KIF13A: variants seen among roughly 807,000 people sequenced by gnomAD.
The protein encoded by KIF13A is kinesin family member 13A.
A neutral mutation model predicts 212.2 loss-of-function variants in KIF13A; 79 were observed. The observed-to-expected ratio is 0.37, with a 90% confidence interval of 0.31 to 0.45. The LOEUF is 0.45. KIF13A is among the 20% of genes least tolerant of loss of function. KIF13A has a pLI of 1.00. For missense variants in KIF13A, 1,901 were observed against 2,209.0 expected, an observed-to-expected ratio of 0.86 and a Z score of 2.79; for synonymous variants, 789 against 808.6, an observed-to-expected ratio of 0.98 and a Z score of 0.41.
chr6:17,766,316 C>T (rs1047956834), intron 38 of KIF13A, among the ~76,000 whole-genome samples: 23 of 150,854 alleles, frequency 1.5e-4, no homozygotes, highest in African/African-American at 4.4e-4. Context: ...CTCGGCTCAC[C>T]GCAACCTCCA....
At chr6:17,760,749 G>A (rs1352021328), downstream of KIF13A, 8 of 1,156,600 alleles carry the variant, frequency 6.9e-6, no homozygotes, top group East Asian at 1.2e-4. Flanking sequence ...TCTGGTCTGA[G>A]GTCCAGCCAG....
chr6:17,783,727 A>AGC lies in KIF13A; in HGVS notation c.3489-27_3489-26insGC. 1 of 1,410,630 alleles carries AGC rather than the reference A, an allele frequency of 7.1e-7. No homozygotes were observed. The highest frequency in any genetic ancestry group is 9.8e-7 in the Non-Finnish European group (1 of 1,016,458). 87.4% of individuals were successfully genotyped at this position (1,410,630 alleles called of 1,614,324 possible). ...CTAAATTTAATAACAACATTTAATC[A>AGC]TAACAAAATATGTATTTTACATCTT... On this transcript the variant is annotated intron_variant, in intron 28 of 38. Transcript: ENST00000259711. This position sits in a 1 kb window ranked among gnomAD's most constrained non-coding sequence, Gnocchi z 4.3.
rs756222293 is a variant in KIF13A at position 17,794,434 on chromosome 6, T to C, written c.3076-39A>G. The C allele has an allele frequency of 3.8e-6, 6 of 1,590,748 alleles. No individual in the cohort carries two copies. In the Admixed American group the frequency reaches 8.7e-5, roughly 23 times the overall value. On this transcript the variant is annotated intron_variant, in intron 24 of 38. Transcript: ENST00000259711. This position sits in a 1 kb window ranked among gnomAD's most constrained non-coding sequence, Gnocchi z 4.1. ...GGAGGAGTATGGGTGCCAGGAATGA[T>C]AATGAAAAGGAACGGGATAAAGAAG...
At chr6:17,956,522 T>C (rs1778368158) in intron 2 of KIF13A, among the ~76,000 whole-genome samples, 1 of 152,224 alleles carries the variant, frequency 6.6e-6, no homozygotes, top group Admixed American at 6.5e-5. Flanking sequence ...GGGAGGCAAG[T>C]TATGCCTAAG....
At chr6:17,975,892 C>T (rs148541678) in intron 2 of KIF13A, among the ~76,000 whole-genome samples, 22 of 151,774 alleles carry the variant, frequency 1.4e-4, no homozygotes, top group Non-Finnish European at 2.8e-4. Context: ...TACAGAGTGC[C>T]GATTGGTGTA....
At chr6:17,976,508 C>T (rs966038002) in intron 2 of KIF13A, among the ~76,000 whole-genome samples, 1 of 152,216 alleles carries the variant, frequency 6.6e-6, no homozygotes, top group African/African-American at 2.4e-5. Context: ...CCCACGCCCA[C>T]CCAGAACTCC....
At chr6:17,937,739 CTTTTTTGTTTTTTT>C (rs147163582) in intron 2 of KIF13A, among the ~76,000 whole-genome samples, 14,521 of 128,476 alleles carry the variant, frequency 0.11, 891 homozygotes, top group East Asian at 0.21. Flanking sequence ...AATTTCTTTC[CTTTTTTGTTTTTTT>C]TTTTTTGTTT....
At chr6:17,759,550 T>A (rs1340692104), downstream of KIF13A, 1 of 152,190 alleles carries the variant, frequency 6.6e-6, no homozygotes, top group African/African-American at 2.4e-5. Flanking sequence ...TAGCTGTACA[T>A]CCAGACCGAT....
chr6:17,910,839 T>A (rs1156234530), intron 2 of KIF13A, among the ~76,000 whole-genome samples: 1 of 152,202 alleles, frequency 6.6e-6, no homozygotes, highest in East Asian at 1.9e-4. Flanking sequence ...CTCAGCTCAC[T>A]GCAAGCTCCG....
At chr6:17,885,040 T>C (rs1158056034) in intron 3 of KIF13A, among the ~76,000 whole-genome samples, 1 of 152,196 alleles carries the variant, frequency 6.6e-6, no homozygotes, top group Non-Finnish European at 1.5e-5. Flanking sequence ...CATGTTCAAA[T>C]TTTTCTTTTA....
chr6:17,844,559 T>C (rs1348571909), intron 9 of KIF13A, among the ~76,000 whole-genome samples: 1 of 152,206 alleles, frequency 6.6e-6, no homozygotes, highest in East Asian at 1.9e-4. Context: ...AATTATTCTT[T>C]CTCAAAATAA....
chr6:17,910,820 T>C (rs1337007974), intron 2 of KIF13A, among the ~76,000 whole-genome samples: 1 of 152,208 alleles, frequency 6.6e-6, no homozygotes, highest in African/African-American at 2.4e-5. Flanking sequence ...TGGAGTGCAG[T>C]GGTGTGATCT....
At position 17,794,536 on chromosome 6, in the gene KIF13A, A is replaced by G; in HGVS notation, c.3075+36T>C. ...CAATGTGTAAGAGTGGAACAGAGAG[A>G]AAACATTAAAAAAAAACCCAAAACA... is the stretch of plus-strand genomic sequence containing the variant. On this transcript the variant is annotated intron_variant, in intron 24 of 38. Transcript: ENST00000259711. This position sits in a 1 kb window ranked among gnomAD's most constrained non-coding sequence, Gnocchi z 4.1. 1 of 1,581,184 alleles carries G rather than the reference A, an allele frequency of 6.3e-7. No individual in the cohort carries two copies. The highest frequency in any genetic ancestry group is 8.6e-7 in the Non-Finnish European group (1 of 1,168,250).
intron 4 of KIF13A, among the ~76,000 whole-genome samples, chr6:17,867,415 T>C (rs564463315): frequency 2.0e-5 from 3 of 152,354 alleles, no homozygotes; most frequent in South Asian, 2.1e-4. Context: ...ACTGTTCAAG[T>C]AGCAACTACT....
At chr6:17,848,380 T>C (rs1767276881) in intron 9 of KIF13A, among the ~76,000 whole-genome samples, 1 of 152,060 alleles carries the variant, frequency 6.6e-6, no homozygotes, top group Non-Finnish European at 1.5e-5. Context: ...TTTGTATCCA[T>C]TAACCAACCT....
chr6:17,849,772 G>A lies in KIF13A; in HGVS notation c.718-283C>T, dbSNP rs1445777204. Reference sequence around the variant, plus strand: ...GCTGGAGATTTAAAATGCCTATGAGGAGATATGAGGACATGAGGATTTCTG... The same window carrying A: ...GCTGGAGATTTAAAATGCCTATGAGAAGATATGAGGACATGAGGATTTCTG... On this transcript the variant is annotated intron_variant, in intron 8 of 38. Transcript: ENST00000259711. The surrounding 1 kb of genome is among the most constrained non-coding windows in gnomAD (Gnocchi z 5.7). Among the ~76,000 whole-genome samples the A allele has an allele frequency of 6.6e-6, 1 of 152,198 alleles. No homozygotes were observed. The highest frequency in any genetic ancestry group is 2.4e-5 in the African/African-American group (1 of 41,462).
At chr6:17,798,119 A>C (rs1297747872) in intron 22 of KIF13A, among the ~76,000 whole-genome samples, 1 of 152,208 alleles carries the variant, frequency 6.6e-6, no homozygotes, top group Non-Finnish European at 1.5e-5. Flanking sequence ...TCTGCTTTTT[A>C]GTCTATTTTA....
intron 25 of KIF13A, among the ~76,000 whole-genome samples, chr6:17,792,429 C>CA (rs1761671664): frequency 6.6e-6 from 1 of 152,040 alleles, no homozygotes; most frequent in Admixed American, 6.6e-5. Context: ...AAGGGGAACT[C>CA]AAAGTTTAAA....
At chr6:17,959,315 C>T (rs776915461) in intron 2 of KIF13A, among the ~76,000 whole-genome samples, 1 of 152,056 alleles carries the variant, frequency 6.6e-6, no homozygotes, top group Non-Finnish European at 1.5e-5. Context: ...ATAGCCATGC[C>T]CATACAAAGC....
Sources: allele counts gnomAD v4.1 joint callset (sites outside exome capture counted in the v4.1 genomes callset), GRCh38; gene constraint gnomAD v4.1.1; non-coding constraint Gnocchi (gnomAD v3.1); transcripts MANE v1.5; gene names NCBI Gene and HGNC (gene_info 2026-07-23, HGNC 2026-07-21).